Variants in SH2D4A observed in about 807,000 individuals in gnomAD.
SH2D4A encodes the protein SH2 domain containing 4A.
In SH2D4A, 70 loss-of-function variants were observed where a neutral mutation model predicts 64.7. That is an observed-to-expected ratio of 1.08 (90% CI 0.89 to 1.32). The LOEUF is 1.32. Among genes scored for constraint, SH2D4A ranks in the 40% most tolerant of loss-of-function variants. SH2D4A has a pLI of 0.00. For missense variants in SH2D4A, 706 were observed against 540.1 expected, an observed-to-expected ratio of 1.31 and a Z score of -3.04; for synonymous variants, 268 against 200.7, an observed-to-expected ratio of 1.34 and a Z score of -2.83.
intron 3 of SH2D4A, among the ~76,000 whole-genome samples, chr8:19,333,898 C>T (rs752273194): frequency 1.3e-5 from 2 of 152,124 alleles, no homozygotes; most frequent in Non-Finnish European, 2.9e-5. Context: ...ACGGATGGTT[C>T]TTTGGGGAAT....
intron 1 of SH2D4A, among the ~76,000 whole-genome samples, chr8:19,317,441 C>T (rs1009917624): frequency 1.3e-5 from 2 of 149,580 alleles, no homozygotes; most frequent in Non-Finnish European, 2.9e-5. Context: ...ATGTTTGGTT[C>T]CATTTGGATT....
At position 19,394,734 on chromosome 8, in the gene SH2D4A, C is replaced by A. The variant is rs943214313; in HGVS notation, c.*92C>A. On this transcript the variant is annotated 3_prime_UTR_variant, in exon 10 of 10. Coordinates refer to ENST00000265807, the MANE Select transcript of SH2D4A (RefSeq NM_022071.4). ...ATTTATGTGTGAAGCCAAAATCACCCTGCAGCAGAGCCAATACTGATCAAC... is the reference window on the plus strand; with the variant it reads ...ATTTATGTGTGAAGCCAAAATCACCATGCAGCAGAGCCAATACTGATCAAC... The A allele has an allele frequency of 8.8e-6, 8 of 911,234 alleles. No individual in the cohort carries two copies. Among genetic ancestry groups the A allele is most frequent in the Admixed American group, 2.6e-5 (1 of 38,820 alleles). 56.4% of individuals were successfully genotyped at this position (911,234 alleles called of 1,614,324 possible).
At chr8:19,316,568 A>G (rs1372976468) in intron 1 of SH2D4A, among the ~76,000 whole-genome samples, 3 of 152,138 alleles carry the variant, frequency 2.0e-5, no homozygotes, top group African/African-American at 7.2e-5. Flanking sequence ...GGGTGTGTGC[A>G]CCTGGCCTCC....
At chr8:19,324,404 A>AT (rs1257767596) in intron 2 of SH2D4A, among the ~76,000 whole-genome samples, 2 of 152,056 alleles carry the variant, frequency 1.3e-5, no homozygotes, top group African/African-American at 2.4e-5. Context: ...CTTTCCCTCT[A>AT]TTTTTGTGAA....
chr8:19,335,419 G>A (rs1021147481), intron 4 of SH2D4A, among the ~76,000 whole-genome samples: 2 of 152,142 alleles, frequency 1.3e-5, no homozygotes, highest in South Asian at 4.1e-4. Context: ...AATGCAATTT[G>A]GCATTTTAAG....
intron 8 of SH2D4A, among the ~76,000 whole-genome samples, chr8:19,392,413 G>T (rs773000771): frequency 6.6e-6 from 1 of 152,292 alleles, no homozygotes; most frequent in African/African-American, 2.4e-5. Context: ...ATTCTCTGCA[G>T]TGTGGGGCTG....
chr8:19,343,784 T>C (rs1225087260), intron 4 of SH2D4A, among the ~76,000 whole-genome samples: 9 of 152,164 alleles, frequency 5.9e-5, no homozygotes, highest in African/African-American at 2.2e-4. Flanking sequence ...GAGGTTTTCA[T>C]CTTTCAGGAG....
chr8:19,389,779 G>A (rs995170722), intron 8 of SH2D4A, among the ~76,000 whole-genome samples: 2 of 152,174 alleles, frequency 1.3e-5, no homozygotes, highest in Non-Finnish European at 2.9e-5. Flanking sequence ...GGTGGCACGT[G>A]CTTGCAGTCC....
In SH2D4A at chr8:19,395,366, T is replaced by TCAGAAGTGCTTAG. The variant is rs1046905666; in HGVS notation, c.*725_*737dup. 6 of 152,204 alleles carry TCAGAAGTGCTTAG rather than the reference T, an allele frequency of 3.9e-5. No homozygotes were observed. The highest frequency in any genetic ancestry group is 7.3e-5 in the Non-Finnish European group (5 of 68,056). The allele number at this position is 152,204 out of a possible 1,614,324, so 9.4% of individuals were successfully genotyped here. A position where few individuals can be genotyped will look rare whatever the true frequency, so the allele number is the denominator to read the frequency against. On this transcript the variant is annotated 3_prime_UTR_variant, in exon 10 of 10. Coordinates refer to ENST00000265807, the MANE Select transcript of SH2D4A (RefSeq NM_022071.4). ...TGTACATGTATTTTTTTATTTTTTA[T>TCAGAAGTGCTTAG]CAGAAGTGCTTAGACAAGAACAGAA...
At chr8:19,343,922 A>G (rs1474854440) in intron 4 of SH2D4A, among the ~76,000 whole-genome samples, 1 of 152,180 alleles carries the variant, frequency 6.6e-6, no homozygotes, top group East Asian at 1.9e-4. Flanking sequence ...AGAAAGGCAG[A>G]GAGGCCTGGG....
chr8:19,331,553 T>C (rs1044220100), intron 2 of SH2D4A, among the ~76,000 whole-genome samples: 1 of 152,186 alleles, frequency 6.6e-6, no homozygotes, highest in Non-Finnish European at 1.5e-5. Context: ...TAATCTAACC[T>C]GGAGGCCAAT....
chr8:19,321,006 T>G (rs911915986), intron 2 of SH2D4A, among the ~76,000 whole-genome samples: 8 of 152,226 alleles, frequency 5.3e-5, no homozygotes, highest in African/African-American at 1.9e-4. Flanking sequence ...TTTCCAGTGA[T>G]GCCTTTATCA....
Position 19,313,795 on chromosome 8 carries a change from G to T in SH2D4A, c.-233G>T. 1 of 1,512,026 alleles carries T rather than the reference G, an allele frequency of 6.6e-7. No homozygotes were observed. Among genetic ancestry groups the T allele is most frequent in the Non-Finnish European group, 8.8e-7 (1 of 1,135,644 alleles). 93.7% of individuals were successfully genotyped at this position (1,512,026 alleles called of 1,614,324 possible). A position where few individuals can be genotyped will look rare whatever the true frequency, so the allele number is the denominator to read the frequency against. The stretch of plus-strand genomic sequence containing the variant: ...CCAAGTGGATGTGGCGGGTGATCGA[G>T]CCACCCTGCCCAGGGGCGCCCAGCA... On this transcript the variant is annotated 5_prime_UTR_variant, in exon 1 of 10. Transcript: ENST00000265807.
intron 4 of SH2D4A, among the ~76,000 whole-genome samples, chr8:19,349,803 A>T (rs1415116212): frequency 6.6e-6 from 1 of 152,214 alleles, no homozygotes; most frequent in African/African-American, 2.4e-5. Flanking sequence ...TCCAGTGTTC[A>T]AGTGATTCTC....
At position 19,334,697 on chromosome 8, in the gene SH2D4A, C is replaced by T. The variant is rs777774445; in HGVS notation, c.353C>T (p.Ser118Phe). The change falls in exon 4 of 10, where the codon TCT (serine) becomes TTT (phenylalanine). Residue 118 changes from serine (S) to phenylalanine (F), a missense_variant. Physicochemically the swap from Ser to Phe is radical, Grantham distance 155 (BLOSUM62 -2). Coordinates refer to ENST00000265807, the MANE Select transcript of SH2D4A (RefSeq NM_022071.4). ...TTGCCTCTCTTCAGAAAAACTCACT[C>T]TGAAGAATTCACCAATAGCTTGAAA... ...QEAEEPRKTH[S>F]EEFTNSLKTK... 1 of 1,598,852 alleles carries T rather than the reference C, an allele frequency of 6.3e-7. No individual in the cohort carries two copies. Among genetic ancestry groups the T allele is most frequent in the South Asian group, 1.1e-5 (1 of 87,636 alleles).
chr8:19,319,092 G>C (rs922347892), intron 1 of SH2D4A, among the ~76,000 whole-genome samples: 1 of 149,482 alleles, frequency 6.7e-6, no homozygotes, highest in Admixed American at 6.6e-5. Context: ...AACTTTTTTT[G>C]TTTGCCTGAG....
intron 3 of SH2D4A, 86 bp from the exon 4 acceptor site, chr8:19,334,600 C>G: frequency 7.0e-7 from 1 of 1,430,212 alleles, no homozygotes; most frequent in Non-Finnish European, 9.4e-7. Flanking sequence ...CTGTTTTTCA[C>G]ATAATTTGAA....
At chr8:19,368,620 C>CTTTTTT (rs34764005) in intron 7 of SH2D4A, among the ~76,000 whole-genome samples, 6 of 136,316 alleles carry the variant, frequency 4.4e-5, no homozygotes, top group Admixed American at 2.2e-4. Flanking sequence ...AATAAAATTG[C>CTTTTTT]TTTTTTTTTT....
At chr8:19,365,057 CAG>C (rs1207485083) in intron 7 of SH2D4A, among the ~76,000 whole-genome samples, 5 of 152,122 alleles carry the variant, frequency 3.3e-5, no homozygotes, top group South Asian at 4.1e-4. Context: ...TTGAAAGAAA[CAG>C]AATTGTCTAA....
Sources: allele counts gnomAD v4.1 joint callset (sites outside exome capture counted in the v4.1 genomes callset), GRCh38; gene constraint gnomAD v4.1.1; transcripts MANE v1.5; gene names NCBI Gene and HGNC (gene_info 2026-07-23, HGNC 2026-07-21).